PTPRB: variants seen among roughly 807,000 people sequenced by gnomAD.
PTPRB encodes the protein receptor-type tyrosine-protein phosphatase beta.
Under a neutral mutation model 238.1 loss-of-function variants are expected in PTPRB, and 97 were observed. The observed-to-expected ratio is 0.41, with a 90% CI of 0.35 to 0.48. The LOEUF (loss-of-function observed/expected upper bound fraction) is 0.48, where lower values mean the gene tolerates loss of function less well. PTPRB is among the 20% of genes least tolerant of loss of function. The pLI is 0.30. For synonymous variants in PTPRB, 970 were observed against 995.4 expected (o/e 0.97, Z 0.48); for missense variants, 2,292 against 2,681.9 (o/e 0.85, Z 3.21).
chr12:70,559,708 A>G, intron 17 of PTPRB, 84 bp from the exon 18 acceptor site: 1 of 1,289,562 alleles, frequency 7.8e-7, no homozygotes, highest in African/African-American at 1.5e-5. Flanking sequence ...AACATCAGAC[A>G]CACTTTTAAT....
At chr12:70,619,033 T>C (rs148501779) in intron 3 of PTPRB, among the ~76,000 whole-genome samples, 236 of 152,218 alleles carry the variant, frequency 1.6e-3, no homozygotes, top group African/African-American at 5.4e-3. Context: ...ATAGCCAACA[T>C]AGGACAATCT....
chr12:70,622,017 T>C (rs1182544901), intron 3 of PTPRB, among the ~76,000 whole-genome samples: 2 of 152,198 alleles, frequency 1.3e-5, no homozygotes, highest in East Asian at 3.8e-4. Flanking sequence ...CTCTCTCCCT[T>C]CCTTTGGAGC....
At chr12:70,526,800 C>A (rs12299510) in intron 32 of PTPRB, among the ~76,000 whole-genome samples, 2,056 of 152,266 alleles carry the variant, frequency 0.014, 45 homozygotes, top group African/African-American at 0.047. Flanking sequence ...TACTTTGGGA[C>A]TTTAGAGGTA....
chr12:70,591,180 T>A (rs1882460314), intron 7 of PTPRB, among the ~76,000 whole-genome samples: 1 of 150,410 alleles, frequency 6.6e-6, no homozygotes, highest in Non-Finnish European at 1.5e-5. Flanking sequence ...CAAGCAACCC[T>A]CCACCTCAGC....
At position 70,555,301 on chromosome 12, in the gene PTPRB, G is replaced by A. The variant is rs1265265101; in HGVS notation, c.5002C>T (p.Pro1668Ser). Reference sequence around the variant, plus strand: ...TTCACACGAATGTGTGGGGGTGGAGGAGGGGGGCCTGGAAAAAGAGGTGGG... The same window carrying A: ...TTCACACGAATGTGTGGGGGTGGAGAAGGGGGGCCTGGAAAAAGAGGTGGG... ...STITMIDRPP[P>S]PPPHIRVNEK... Residue 1668 changes from proline to serine, a missense_variant, in exon 20 of 34, where the codon CCT becomes TCT. Pro to Ser is a moderately conservative substitution (Grantham distance 74). Coordinates refer to ENST00000334414, the MANE Select transcript of PTPRB (RefSeq NM_001109754.4). The A allele has an allele frequency of 6.2e-7, 1 of 1,611,778 alleles. No homozygotes were observed. Among genetic ancestry groups the A allele is most frequent in the Non-Finnish European group, 8.5e-7 (1 of 1,179,270 alleles).
chr12:70,618,153 G>A (rs1884763413), intron 3 of PTPRB, among the ~76,000 whole-genome samples: 1 of 152,234 alleles, frequency 6.6e-6, no homozygotes, highest in Non-Finnish European at 1.5e-5. Context: ...AGGCTGGAGT[G>A]CAGGGGCATG....
At chr12:70,536,892 G>A (rs1159747423) in intron 28 of PTPRB, among the ~76,000 whole-genome samples, 1 of 152,154 alleles carries the variant, frequency 6.6e-6, no homozygotes, top group African/African-American at 2.4e-5. Context: ...CTCTCTGCTG[G>A]GGGATATTCT....
chr12:70,581,011 A>C (rs762534495), intron 10 of PTPRB, 25 bp downstream of exon 10: 10 of 1,606,030 alleles, frequency 6.2e-6, no homozygotes, highest in Non-Finnish European at 8.5e-6. Context: ...TAGTTAAGTC[A>C]CAGACACATA....
chr12:70,607,548 CTT>C (rs546758555), intron 4 of PTPRB, among the ~76,000 whole-genome samples: 134 of 137,102 alleles, frequency 9.8e-4, no homozygotes, highest in Middle Eastern at 3.8e-3. Flanking sequence ...TTTTCCTTTT[CTT>C]TTTTTTTTTT....
At chr12:70,631,459 C>T (rs998884299) in intron 2 of PTPRB, among the ~76,000 whole-genome samples, 7 of 152,076 alleles carry the variant, frequency 4.6e-5, no homozygotes, top group African/African-American at 2.4e-5. Flanking sequence ...AATGTTAGAC[C>T]TAAAACCATA....
Position 70,625,649 on chromosome 12 carries a change from C to G in PTPRB, c.452-3003G>C, listed in dbSNP as rs555536122. Among the ~76,000 whole-genome samples the G allele has an allele frequency of 1.3e-4, 20 of 151,220 alleles. No homozygotes were observed. In the South Asian group the frequency reaches 3.8e-3, roughly 28 times the overall value. ...TTGGATATTTTGTTATCCATGAATT[C>G]TTTGGGTGTTCTTAAAAAAGGTATA... On this transcript the variant is annotated intron_variant, in intron 2 of 33. Coordinates refer to ENST00000334414, the MANE Select transcript of PTPRB (RefSeq NM_001109754.4).
chr12:70,564,838 ATAAT>A (rs1405404275), intron 15 of PTPRB, among the ~76,000 whole-genome samples: 2 of 22,104 alleles, frequency 9.0e-5, no homozygotes, highest in East Asian at 3.2e-3. Flanking sequence ...GTCTCCAAAA[ATAAT>A]AAATAATAAT....
At chr12:70,610,231 G>T (rs1047871805) in intron 3 of PTPRB, among the ~76,000 whole-genome samples, 9 of 152,196 alleles carry the variant, frequency 5.9e-5, no homozygotes, top group African/African-American at 2.2e-4. Context: ...TGCCCCCGCT[G>T]CCCCGCGCCG....
At chr12:70,566,307 A>T in intron 15 of PTPRB, 128 bp downstream of exon 15, 1 of 1,211,040 alleles carries the variant, frequency 8.3e-7, no homozygotes, top group Non-Finnish European at 1.1e-6. Context: ...AATCAGGGTG[A>T]ATGTTCCCAG....
intron 9 of PTPRB, among the ~76,000 whole-genome samples, chr12:70,581,879 A>T (rs963026050): frequency 6.6e-6 from 1 of 151,890 alleles, no homozygotes; most frequent in African/African-American, 2.4e-5. Context: ...TGTGCCAGTT[A>T]TGAGCTATAT....
rs1555240830 is a variant in PTPRB at position 70,626,369 on chromosome 12, T to TCCTGTCTG, written c.452-3724_452-3723insCAGACAGG. Among the ~76,000 whole-genome samples the TCCTGTCTG allele has an allele frequency of 1.8e-3, 230 of 124,510 alleles. 9 individuals carry two copies. The highest frequency in any genetic ancestry group is 0.012 in the Admixed American group (131 of 11,178). The allele number at this position is 124,510 out of a possible 152,430, so 81.7% of individuals were successfully genotyped here. On this transcript the variant is annotated intron_variant, in intron 2 of 33. Coordinates refer to ENST00000334414, the MANE Select transcript of PTPRB (RefSeq NM_001109754.4). ...TATCTATCTATCTATCTATCTATAT[T>TCCTGTCTG]CCTGCCTGCCTGCCTGCCTGCCTGC...
intron 18 of PTPRB, among the ~76,000 whole-genome samples, chr12:70,557,824 A>G (rs1054032506): frequency 2.0e-5 from 3 of 152,204 alleles, no homozygotes; most frequent in African/African-American, 4.8e-5. Flanking sequence ...TGTGTGTCAC[A>G]TGGTAGATGG....
At chr12:70,630,300 A>G (rs1430499349) in intron 2 of PTPRB, among the ~76,000 whole-genome samples, 5 of 152,246 alleles carry the variant, frequency 3.3e-5, no homozygotes. Flanking sequence ...TCACATAAAC[A>G]GAACCAACAA....
intron 20 of PTPRB, among the ~76,000 whole-genome samples, chr12:70,553,237 TAC>T (rs1053311195): frequency 2.0e-5 from 3 of 151,968 alleles, no homozygotes; most frequent in South Asian, 4.2e-4. Context: ...GTATATAAAA[TAC>T]ACACACACAC....
Sources: allele counts gnomAD v4.1 joint callset (sites outside exome capture counted in the v4.1 genomes callset), GRCh38; gene constraint gnomAD v4.1.1; transcripts MANE v1.5; gene names NCBI Gene and HGNC (gene_info 2026-07-23, HGNC 2026-07-21).